Variants in WDR49 observed in about 807,000 individuals in gnomAD.
The protein encoded by WDR49 is cilia- and flagella-associated protein 337.
A neutral mutation model predicts 119.5 loss-of-function variants in WDR49; 107 were observed. The ratio of observed to expected loss-of-function variants is 0.90; its 90% CI spans 0.77 to 1.05. WDR49 has a LOEUF of 1.05. Among genes scored for constraint, WDR49 ranks in the 50% least tolerant of loss-of-function variants. The probability of loss-of-function intolerance (pLI) is 0.00; values close to 1 mark genes in which losing one functional copy is unlikely to be tolerated. For missense variants in WDR49, 1,240 were observed against 1,220.5 expected (o/e 1.02, Z -0.24); for synonymous variants, 425 against 418.8 (o/e 1.01, Z -0.18).
chr3:167,644,378 C>A (rs927450298), intron 2 of WDR49, among the ~76,000 whole-genome samples: 2 of 152,068 alleles, frequency 1.3e-5, no homozygotes, highest in Non-Finnish European at 2.9e-5. Context: ...TGCCCCACTA[C>A]AATCACAGTT....
At chr3:167,497,417 A>T (rs1751394478) in intron 18 of WDR49, among the ~76,000 whole-genome samples, 1 of 152,184 alleles carries the variant, frequency 6.6e-6, no homozygotes, top group South Asian at 2.1e-4. Context: ...AGGAAATTTT[A>T]ATAAGAAATC....
intron 3 of WDR49, among the ~76,000 whole-genome samples, chr3:167,623,333 A>G (rs1187167805): frequency 6.6e-6 from 1 of 152,096 alleles, no homozygotes; most frequent in Non-Finnish European, 1.5e-5. Context: ...AAAAAAGTTT[A>G]CACATCATAG....
chr3:167,645,888 G>A (rs2108344733), intron 2 of WDR49, among the ~76,000 whole-genome samples: 1 of 152,274 alleles, frequency 6.6e-6, no homozygotes, highest in Non-Finnish European at 1.5e-5. Context: ...GCAACCAAAG[G>A]AACATATAGG....
intron 5 of WDR49, among the ~76,000 whole-genome samples, chr3:167,615,142 A>G (rs1164755774): frequency 6.6e-6 from 1 of 152,312 alleles, no homozygotes; most frequent in African/African-American, 2.4e-5. Context: ...GCATTCTTTC[A>G]TTGGTTATGA....
intron 16 of WDR49, among the ~76,000 whole-genome samples, chr3:167,510,237 G>T (rs898751224): frequency 1.6e-4 from 25 of 152,130 alleles, no homozygotes; most frequent in African/African-American, 4.8e-4. Flanking sequence ...ACAAAAATGA[G>T]CTGGGCATGG....
chr3:167,630,244 A>T lies in WDR49; in HGVS notation c.166-2952T>A, dbSNP rs183386265. 2.3e-3 allele frequency among the ~76,000 whole-genome samples: 346 copies of T among 152,240 alleles called. 1 individual carries two copies. The highest frequency in any genetic ancestry group is 7.8e-3 in the African/African-American group (323 of 41,576). On this transcript the variant is annotated intron_variant, in intron 2 of 18. Coordinates refer to ENST00000682715, the MANE Select transcript of WDR49 (RefSeq NM_001366157.1). ...ATCAGTCAGCAGACATCAACATCAA[A>T]GCAAGACCCTTCACTAACAAAAACA...
chr3:167,524,856 T>C (rs527848898), intron 15 of WDR49, among the ~76,000 whole-genome samples: 1 of 152,316 alleles, frequency 6.6e-6, no homozygotes, highest in East Asian at 1.9e-4. Flanking sequence ...TCCAGCTTTG[T>C]TCTTTTTGCT....
In WDR49 at chr3:167,478,758, C is replaced by A; in HGVS notation, c.*120G>T. 1 of 611,646 alleles carries A rather than the reference C, an allele frequency of 1.6e-6. No homozygotes were observed. The highest frequency in any genetic ancestry group is 2.5e-5 in the South Asian group (1 of 39,654). The allele number at this position is 611,646 out of a possible 1,614,324, so 37.9% of individuals were successfully genotyped here. A position where few individuals can be genotyped will look rare whatever the true frequency, so the allele number is the denominator to read the frequency against. On this transcript the variant is annotated 3_prime_UTR_variant, in exon 19 of 19. Coordinates refer to ENST00000682715, the MANE Select transcript of WDR49 (RefSeq NM_001366157.1). ...TAGATAAAAGCAGTACTAAATTATCCCATGAAGAGAAAACTTCCTGAAGTT... is the reference window on the plus strand; with the variant it reads ...TAGATAAAAGCAGTACTAAATTATCACATGAAGAGAAAACTTCCTGAAGTT...
At chr3:167,563,319 A>C (rs1713385417) in intron 8 of WDR49, among the ~76,000 whole-genome samples, 1 of 143,396 alleles carries the variant, frequency 7.0e-6, no homozygotes, top group Non-Finnish European at 1.5e-5. Flanking sequence ...GCGCCACCGC[A>C]CTCCAGCCTG....
At chr3:167,528,294 G>A (rs1050312805) in intron 14 of WDR49, among the ~76,000 whole-genome samples, 8 of 151,910 alleles carry the variant, frequency 5.3e-5, no homozygotes, top group African/African-American at 1.9e-4. Context: ...ATTTGATAGA[G>A]ATGAACTTTA....
intron 16 of WDR49, among the ~76,000 whole-genome samples, chr3:167,519,653 G>C (rs1752355631): frequency 5.3e-5 from 8 of 152,072 alleles, no homozygotes; most frequent in Admixed American, 5.2e-4. Context: ...GGATGGGGGA[G>C]GGGGAGCATC....
At chr3:167,647,315 C>A (rs879926034) in intron 2 of WDR49, among the ~76,000 whole-genome samples, 1 of 152,212 alleles carries the variant, frequency 6.6e-6, no homozygotes, top group Non-Finnish European at 1.5e-5. Flanking sequence ...CTTCATCACA[C>A]ACTGATCCAG....
intron 7 of WDR49, among the ~76,000 whole-genome samples, chr3:167,589,586 A>T (rs1207994250): frequency 1.3e-5 from 2 of 152,090 alleles, no homozygotes; most frequent in African/African-American, 4.8e-5. Context: ...ATATCTTTCC[A>T]TTTTTGTAGC....
intron 8 of WDR49, among the ~76,000 whole-genome samples, chr3:167,575,455 T>C (rs1441422818): frequency 6.6e-6 from 1 of 152,228 alleles, no homozygotes; most frequent in Admixed American, 6.5e-5. Context: ...ATCATTTTAT[T>C]ATGAATACAT....
intron 10 of WDR49, among the ~76,000 whole-genome samples, chr3:167,540,793 A>AT (rs1196593493): frequency 1.1e-4 from 16 of 152,100 alleles, no homozygotes; most frequent in Admixed American, 1.0e-3. Flanking sequence ...ATGAAAAGAA[A>AT]TTTTTAAAAA....
intron 6 of WDR49, among the ~76,000 whole-genome samples, chr3:167,603,621 A>T (rs946494983): frequency 1.3e-5 from 2 of 152,130 alleles, no homozygotes; most frequent in African/African-American, 2.4e-5. Context: ...TTAATTTTTC[A>T]ATAATATATC....
rs58836212 is a variant in WDR49, at chr3:167,576,978, T to C, written c.1276-827A>G. ...ATGTATGTGTATATATGTATATATG[T>C]ATTTTTGGTAAAATAAAAGAAGTGG... On this transcript the variant is annotated intron_variant, in intron 7 of 18. Coordinates refer to ENST00000682715, the MANE Select transcript of WDR49 (RefSeq NM_001366157.1). Among the ~76,000 whole-genome samples, 1,043 of 152,284 alleles carry C rather than the reference T, an allele frequency of 6.8e-3. 57 individuals are homozygous for C. The East Asian group carries it at 0.13, about 20-fold the overall frequency.
chr3:167,547,531 C>G (rs1192865018), intron 10 of WDR49, among the ~76,000 whole-genome samples: 4 of 151,724 alleles, frequency 2.6e-5, no homozygotes, highest in African/African-American at 9.7e-5. Flanking sequence ...TGTTCACTCT[C>G]ACCAGCCCTA....
At chr3:167,649,899 G>T (rs1167782160) in intron 2 of WDR49, among the ~76,000 whole-genome samples, 1 of 152,190 alleles carries the variant, frequency 6.6e-6, no homozygotes, top group East Asian at 1.9e-4. Flanking sequence ...GCCAGAACAG[G>T]TGTGCCAGGA....
Sources: gnomAD v4.1 joint callset for allele counts (sites outside exome capture counted in the v4.1 genomes callset) on GRCh38, gnomAD v4.1.1 for gene constraint, MANE v1.5 for transcripts, NCBI Gene and HGNC (gene_info 2026-07-23, HGNC 2026-07-21) for gene names.